Variants in USH2A observed in about 807,000 individuals in gnomAD.
USH2A encodes the protein usherin, also known as Usher syndrome 2A (autosomal recessive, mild).
A neutral mutation model predicts 538.9 loss-of-function variants in USH2A; 443 were observed. The observed-to-expected ratio is 0.82, with a 90% CI of 0.76 to 0.89. The LOEUF is 0.89. Among genes scored for constraint, USH2A ranks in the 40% least tolerant of loss-of-function variants. The pLI is 0.00. For synonymous variants in USH2A, 2,413 were observed against 2,273.5 expected (o/e 1.06, Z -1.75); for missense variants, 6,633 against 6,324.8 (o/e 1.05, Z -1.65).
At chr1:216,378,583 C>G (rs1027958433) in intron 3 of USH2A, among the ~76,000 whole-genome samples, 1 of 152,100 alleles carries the variant, frequency 6.6e-6, no homozygotes, top group African/African-American at 2.4e-5. Flanking sequence ...CCCCGAATAC[C>G]CACACAAGCC....
At chr1:216,315,207 T>TGAGTACA (rs2037484634) in intron 9 of USH2A, among the ~76,000 whole-genome samples, 1 of 152,172 alleles carries the variant, frequency 6.6e-6, no homozygotes. Flanking sequence ...CCTATGAGCT[T>TGAGTACA]AATATATACA....
chr1:216,040,677 C>T (rs1026535209), intron 32 of USH2A, among the ~76,000 whole-genome samples: 1 of 151,976 alleles, frequency 6.6e-6, no homozygotes, highest in African/African-American at 2.4e-5. Context: ...TGAAGGATTT[C>T]TTTTGTCTAC....
rs192469797 is a variant in USH2A at position 216,299,798 on chromosome 1, G to A, written c.1645-7428C>T. On this transcript the variant is annotated intron_variant, in intron 9 of 71. Transcript: ENST00000307340. The stretch of plus-strand genomic sequence containing the variant: ...AGTTTTTGAGCCACCAGTAAACAGA[G>A]TATGATTTGTAAAAAATATACATTT... 7.2e-5 allele frequency among the ~76,000 whole-genome samples: 11 copies of A among 152,184 alleles called. 1 individual carries two copies. In the East Asian group the frequency reaches 1.7e-3, roughly 24 times the overall value.
intron 37 of USH2A, among the ~76,000 whole-genome samples, chr1:215,953,966 C>T (rs1396331921): frequency 6.6e-6 from 1 of 152,144 alleles, no homozygotes; most frequent in African/African-American, 2.4e-5. Context: ...TGAAAAAATG[C>T]TCATCATCAC....
intron 9 of USH2A, among the ~76,000 whole-genome samples, chr1:216,315,194 G>A (rs1376529401): frequency 1.3e-5 from 2 of 152,086 alleles, no homozygotes; most frequent in African/African-American, 4.8e-5. Context: ...CTTGTATTAT[G>A]TACCTATGAG....
chr1:215,833,551 C>T (rs1018511092), intron 47 of USH2A, among the ~76,000 whole-genome samples: 1 of 151,820 alleles, frequency 6.6e-6, no homozygotes, highest in Non-Finnish European at 1.5e-5. Flanking sequence ...AACACAAAAC[C>T]AATCATAGAC....
At chr1:215,807,218 C>A (rs1571706237) in intron 49 of USH2A, among the ~76,000 whole-genome samples, 1 of 152,276 alleles carries the variant, frequency 6.6e-6, no homozygotes, top group South Asian at 2.1e-4. Flanking sequence ...GGATTCTCTC[C>A]TCCAGAAGGG....
chr1:215,630,526 A>AAGAG (rs1558029608), intron 70 of USH2A, among the ~76,000 whole-genome samples: 2 of 122,266 alleles, frequency 1.6e-5, no homozygotes, highest in South Asian at 2.7e-4. Context: ...ATATATATAT[A>AAGAG]TGAGAGAGAG....
chr1:216,326,287 C>T (rs1321019609), intron 5 of USH2A, among the ~76,000 whole-genome samples: 1 of 152,206 alleles, frequency 6.6e-6, no homozygotes, highest in Non-Finnish European at 1.5e-5. Context: ...CATTCTTCCA[C>T]ATAGCACCTT....
chr1:215,707,828 C>A lies in USH2A; in HGVS notation c.12066+20202G>T, dbSNP rs148869811. Among the ~76,000 whole-genome samples, 207 of 152,140 alleles carry A rather than the reference C, an allele frequency of 1.4e-3. 3 individuals are homozygous for A. In the Middle Eastern group the frequency reaches 0.027, roughly 20 times the overall value. On this transcript the variant is annotated intron_variant, in intron 61 of 71. Coordinates refer to ENST00000307340, the MANE Select transcript of USH2A (RefSeq NM_206933.4). The stretch of plus-strand genomic sequence containing the variant: ...AACCACTAGAGAAATACATGGGAAC[C>A]AAGCACTGAAGGTGTATACACAAGA...
chr1:216,138,388 G>T (rs2102608509), intron 21 of USH2A, among the ~76,000 whole-genome samples: 1 of 152,250 alleles, frequency 6.6e-6, no homozygotes, highest in African/African-American at 2.4e-5. Context: ...TGTTATCTTT[G>T]TCTTAGGCTA....
intron 47 of USH2A, among the ~76,000 whole-genome samples, chr1:215,832,588 A>G (rs938683260): frequency 6.6e-6 from 1 of 152,000 alleles, no homozygotes; most frequent in Non-Finnish European, 1.5e-5. Context: ...AATTAAAAAT[A>G]AAAAGTAAGT....
chr1:215,732,544 C>CTTTTTTTTTTTTTTTT lies in USH2A; in HGVS notation c.11712-4176_11712-4161dup, dbSNP rs141549439. On this transcript the variant is annotated intron_variant, in intron 60 of 71. Coordinates refer to ENST00000307340, the MANE Select transcript of USH2A (RefSeq NM_206933.4). ...TCTTTCTTATTCTCCTTTTTTCTTT[C>CTTTTTTTTTTTTTTTT]TTTTTTTTTTTTTTTTTTTTTTTTT... Among the ~76,000 whole-genome samples the CTTTTTTTTTTTTTTTT allele has an allele frequency of 2.0e-4, 15 of 73,586 alleles. 1 individual carries two copies. Among genetic ancestry groups the CTTTTTTTTTTTTTTTT allele is most frequent in the African/African-American group, 7.3e-4 (12 of 16,332 alleles). The allele number at this position is 73,586 out of a possible 152,430, so 48.3% of individuals were successfully genotyped here. A position where few individuals can be genotyped will look rare whatever the true frequency, so the allele number is the denominator to read the frequency against.
intron 14 of USH2A, among the ~76,000 whole-genome samples, chr1:216,228,432 T>G (rs948257666): frequency 1.1e-4 from 16 of 152,156 alleles, no homozygotes; most frequent in African/African-American, 3.9e-4. Flanking sequence ...TCATCTTGAA[T>G]TGTAACTCCC....
At chr1:215,677,444 A>T (rs1658070428) in intron 62 of USH2A, among the ~76,000 whole-genome samples, 1 of 151,968 alleles carries the variant, frequency 6.6e-6, no homozygotes, top group South Asian at 2.1e-4. Flanking sequence ...TTTTCTTTTC[A>T]TCTAAATGGC....
rs1571718717 is a variant in USH2A at position 216,340,262 on chromosome 1, G to A, written c.785-12608C>T. On this transcript the variant is annotated intron_variant, in intron 4 of 71. Transcript: ENST00000307340. The stretch of plus-strand genomic sequence containing the variant: ...TCTAGAAGAAATGGATAAATTCCTG[G>A]ACACATAAACCTTCCCAAGGCTAAA... Among the ~76,000 whole-genome samples, 2 of 151,984 alleles carry A rather than the reference G, an allele frequency of 1.3e-5. 1 individual carries two copies. Among genetic ancestry groups the A allele is most frequent in the Admixed American group, 1.3e-4 (2 of 15,242 alleles).
chr1:216,219,959 A>G lies in USH2A; in HGVS notation c.2994-2409T>C, dbSNP rs142253038. Reference sequence around the variant, plus strand: ...CATAACTCAGTATTTGCTGGTTACAATGGGAAAGAAGTTGGCCTCTGTCTC... The same window carrying G: ...CATAACTCAGTATTTGCTGGTTACAGTGGGAAAGAAGTTGGCCTCTGTCTC... On this transcript the variant is annotated intron_variant, in intron 14 of 71. Coordinates refer to ENST00000307340, the MANE Select transcript of USH2A (RefSeq NM_206933.4). 8.8e-3 allele frequency among the ~76,000 whole-genome samples: 1,341 copies of G among 152,256 alleles called. 7 individuals carry two copies. The highest frequency in any genetic ancestry group is 0.014 in the Non-Finnish European group (934 of 67,996).
At chr1:215,810,574 A>G (rs764838115) in intron 49 of USH2A, among the ~76,000 whole-genome samples, 23 of 152,314 alleles carry the variant, frequency 1.5e-4, no homozygotes, top group Admixed American at 3.3e-4. Flanking sequence ...ACTTAGTTCC[A>G]TGATCAACTT....
chr1:215,625,858 C>G lies in USH2A; in HGVS notation c.15532G>C (p.Glu5178Gln). 1.2e-6 allele frequency: 2 copies of G among 1,614,066 alleles called. No homozygotes were observed. The highest frequency in any genetic ancestry group is 1.7e-6 in the Non-Finnish European group (2 of 1,179,962). Residue 5178 changes from glutamate to glutamine, a missense_variant, in exon 72 of 72, where the codon GAG (glutamate) becomes CAG (glutamine). By Grantham distance (29) the Glu-to-Gln change is conservative. Transcript: ENST00000307340. ...GHNSGLYVDE[E>Q]DLMNAIKDFS... Reference sequence around the variant, plus strand: ...TCCTTGATGGCGTTCATCAGGTCCTCTTCATCCACATACTGAAAAATAAGC... The same window carrying G: ...TCCTTGATGGCGTTCATCAGGTCCTGTTCATCCACATACTGAAAAATAAGC...
Sources: gnomAD v4.1 joint callset for allele counts (sites outside exome capture counted in the v4.1 genomes callset) on GRCh38, gnomAD v4.1.1 for gene constraint, MANE v1.5 for transcripts, NCBI Gene and HGNC (gene_info 2026-07-23, HGNC 2026-07-21) for gene names.